Variants in ITPKB observed in about 807,000 individuals in gnomAD.
ITPKB encodes inositol-trisphosphate 3-kinase B, also known as IP3 3-kinase B.
In ITPKB, 13 loss-of-function variants were observed where a neutral mutation model predicts 69.4. That is an observed-to-expected ratio of 0.19 (90% CI 0.12 to 0.30). ITPKB has a LOEUF of 0.30. Ranked by LOEUF, ITPKB falls within the 10% of genes least tolerant of loss-of-function variation. The pLI, the probability that ITPKB is intolerant of heterozygous loss-of-function variation, is 1.00. For missense variants in ITPKB, 1,240 were observed against 1,250.5 expected (o/e 0.99, Z 0.13); for synonymous variants, 584 against 513.7 (o/e 1.14, Z -1.85).
intron 2 of ITPKB, among the ~76,000 whole-genome samples, chr1:226,717,379 A>G (rs1657120711): frequency 6.6e-6 from 1 of 152,192 alleles, no homozygotes; most frequent in African/African-American, 2.4e-5. Flanking sequence ...CTTAATTACA[A>G]TAAAAAGGGG....
At chr1:226,663,045 TG>T (rs1669430956) in intron 2 of ITPKB, among the ~76,000 whole-genome samples, 1 of 152,110 alleles carries the variant, frequency 6.6e-6, no homozygotes, top group Non-Finnish European at 1.5e-5. Flanking sequence ...GGAAACGGGT[TG>T]CCAAAAAGGG....
At chr1:226,639,855 A>G (rs1047440018) in intron 5 of ITPKB, among the ~76,000 whole-genome samples, 197 bp from the exon 6 acceptor site, 2 of 152,094 alleles carry the variant, frequency 1.3e-5, no homozygotes, top group African/African-American at 4.8e-5. Flanking sequence ...GTGCCCAGAC[A>G]CAGGAGAACG....
chr1:226,662,744 T>A (rs1309903676), intron 2 of ITPKB, among the ~76,000 whole-genome samples: 1 of 152,224 alleles, frequency 6.6e-6, no homozygotes, highest in Non-Finnish European at 1.5e-5. Flanking sequence ...TTATAAGCAG[T>A]TATCAAGCTA....
intron 2 of ITPKB, among the ~76,000 whole-genome samples, chr1:226,697,054 T>C (rs1341283): frequency 0.25 from 38,111 of 152,088 alleles, 5,219 homozygotes; most frequent in African/African-American, 0.36. Flanking sequence ...ACCAAACAAA[T>C]GGATTCATGT....
rs556203465 is a variant in ITPKB, at chr1:226,703,747, T to G, written c.1932+31780A>C. Among the ~76,000 whole-genome samples, 17 of 152,352 alleles carry G rather than the reference T, an allele frequency of 1.1e-4. No homozygotes were observed. The South Asian group carries it at 3.3e-3, about 30-fold the overall frequency. ...CAGGCGGGAAAGACAAGGGGGCTGC[T>G]GTTGCTGCTTACGAAAAGAATCTCA... On this transcript the variant is annotated intron_variant, in intron 2 of 7. Coordinates refer to ENST00000429204, the MANE Select transcript of ITPKB (RefSeq NM_002221.4).
At chr1:226,666,373 T>C (rs1466476772) in intron 2 of ITPKB, among the ~76,000 whole-genome samples, 1 of 152,184 alleles carries the variant, frequency 6.6e-6, no homozygotes, top group Non-Finnish European at 1.5e-5. Flanking sequence ...AGAGGTCATC[T>C]TGCTTCTTAC....
chr1:226,690,858 A>G (rs1452199218), intron 2 of ITPKB, among the ~76,000 whole-genome samples: 1 of 152,242 alleles, frequency 6.6e-6, no homozygotes, highest in East Asian at 1.9e-4. Flanking sequence ...TGTGATATAG[A>G]CACACAATGG....
At chr1:226,692,810 C>A (rs1656389192) in intron 2 of ITPKB, among the ~76,000 whole-genome samples, 1 of 152,196 alleles carries the variant, frequency 6.6e-6, no homozygotes, top group Admixed American at 6.5e-5. Flanking sequence ...GAAGAACATA[C>A]CAACTTCTTT....
intron 2 of ITPKB, among the ~76,000 whole-genome samples, chr1:226,655,065 G>A (rs1364055930): frequency 6.6e-6 from 1 of 150,756 alleles, no homozygotes; most frequent in African/African-American, 2.4e-5. Context: ...GGAAGAAGAG[G>A]AGGTGGGGAG....
chr1:226,696,290 CACAT>C (rs1407319626), intron 2 of ITPKB, among the ~76,000 whole-genome samples: 2 of 151,934 alleles, frequency 1.3e-5, no homozygotes, highest in East Asian at 3.8e-4. Context: ...AATATATACA[CACAT>C]ATATATACAC....
intron 2 of ITPKB, among the ~76,000 whole-genome samples, chr1:226,703,425 G>C (rs1656716378): frequency 6.6e-6 from 1 of 152,232 alleles, no homozygotes; most frequent in Non-Finnish European, 1.5e-5. Context: ...GGGGGATTTC[G>C]GGCAGGGCGG....
chr1:226,684,212 T>A (rs183003401), intron 2 of ITPKB, among the ~76,000 whole-genome samples: 1 of 152,178 alleles, frequency 6.6e-6, no homozygotes, highest in East Asian at 1.9e-4. Flanking sequence ...AGTCCAGGTG[T>A]TACCAGACGG....
At chr1:226,737,749 C>T (rs1657849985) in intron 1 of ITPKB, 86 bp from the exon 2 acceptor site, 2 of 244,408 alleles carry the variant, frequency 8.2e-6, no homozygotes, top group Non-Finnish European at 1.4e-5. Flanking sequence ...GAGAGAGCCC[C>T]GGGAACACAA....
intron 2 of ITPKB, among the ~76,000 whole-genome samples, chr1:226,719,653 C>T (rs1657184344): frequency 6.6e-6 from 1 of 152,218 alleles, no homozygotes; most frequent in African/African-American, 2.4e-5. Context: ...TAGGTGCTGA[C>T]ATTATAAGCC....
intron 7 of ITPKB, among the ~76,000 whole-genome samples, chr1:226,636,409 G>A (rs1372768252): frequency 6.6e-6 from 1 of 152,216 alleles, no homozygotes; most frequent in Non-Finnish European, 1.5e-5. Context: ...CCCCCTCCTC[G>A]CAGCCATCCT....
At chr1:226,673,748 C>T (rs1014408173) in intron 2 of ITPKB, among the ~76,000 whole-genome samples, 5 of 152,202 alleles carry the variant, frequency 3.3e-5, no homozygotes, top group South Asian at 2.1e-4. Flanking sequence ...CTTGGCCTTT[C>T]GGCTTTATTA....
chr1:226,726,316 G>C (rs1295338274), intron 2 of ITPKB, among the ~76,000 whole-genome samples: 1 of 152,166 alleles, frequency 6.6e-6, no homozygotes, highest in Non-Finnish European at 1.5e-5. Flanking sequence ...CAATATTAAT[G>C]AGTGTTTAAT....
At chr1:226,653,214 C>G (rs959294738) in intron 2 of ITPKB, among the ~76,000 whole-genome samples, 3 of 152,230 alleles carry the variant, frequency 2.0e-5, no homozygotes, top group Non-Finnish European at 4.4e-5. Flanking sequence ...TCATCCCATT[C>G]TATGCCCTGC....
At chr1:226,722,032 C>T (rs1036814570) in intron 2 of ITPKB, among the ~76,000 whole-genome samples, 1 of 149,448 alleles carries the variant, frequency 6.7e-6, no homozygotes, top group Non-Finnish European at 1.5e-5. Context: ...AGGCTGGAAT[C>T]GAACTCCTGA....
Sources: allele counts gnomAD v4.1 joint callset (sites outside exome capture counted in the v4.1 genomes callset), GRCh38; gene constraint gnomAD v4.1.1; transcripts MANE v1.5; gene names NCBI Gene and HGNC (gene_info 2026-07-23, HGNC 2026-07-21).